ONECUT3: variants seen among roughly 807,000 people sequenced by gnomAD.
ONECUT3 encodes the protein one cut domain family member 3.
In ONECUT3, 11 loss-of-function variants were observed where a neutral mutation model predicts 16.8. The observed-to-expected ratio is 0.66, with a 90% CI of 0.41 to 1.09. The LOEUF (loss-of-function observed/expected upper bound fraction) is 1.09, where lower values mean the gene tolerates loss of function less well. Among genes scored for constraint, ONECUT3 ranks in the 50% least tolerant of loss-of-function variants. The probability of loss-of-function intolerance (pLI) is 0.00; values close to 1 mark genes in which losing one functional copy is unlikely to be tolerated. For missense variants in ONECUT3, 637 were observed against 629.9 expected, an observed-to-expected ratio of 1.01 and a Z score of -0.12; for synonymous variants, 344 against 310.7, an observed-to-expected ratio of 1.11 and a Z score of -1.13.
chr19:1,760,128 G>T (rs371112818), intron 1 of ONECUT3, among the ~76,000 whole-genome samples: 1 of 152,206 alleles, frequency 6.6e-6, no homozygotes, highest in African/African-American at 2.4e-5. Flanking sequence ...AACCCGATGC[G>T]GTTCCCATGC....
chr19:1,762,699 T>C lies in ONECUT3; in HGVS notation c.1192+7845T>C, dbSNP rs75856830. On this transcript the variant is annotated intron_variant, in intron 1 of 1. Transcript: ENST00000382349. The surrounding 1 kb of genome is among the most constrained non-coding windows in gnomAD (Gnocchi z 4.4). ...GAGCCTCAGGGTCACTGGTGCGGGCTCCGCAGGAAAGCGCAGCCCCCAGCA... is the reference window on the plus strand; with the variant it reads ...GAGCCTCAGGGTCACTGGTGCGGGCCCCGCAGGAAAGCGCAGCCCCCAGCA... 0.044 allele frequency among the ~76,000 whole-genome samples: 6,713 copies of C among 152,202 alleles called. 432 individuals carry two copies. Among genetic ancestry groups the C allele is most frequent in the East Asian group, 0.24 (1,232 of 5,138 alleles).
rs925014047 is a variant in ONECUT3, at chr19:1,753,768, C to T, written c.106C>T (p.Arg36Cys). Residue 36 changes from arginine to cysteine, a missense_variant, in exon 1 of 2, where the codon CGC (arginine) becomes TGC (cysteine). By Grantham distance (180) the Arg-to-Cys change is radical. Around this residue, in one of 3 missense-constraint regions of ONECUT3, gnomAD observed 419 missense variants for 377.9 expected, o/e 1.11. Coordinates refer to ENST00000382349, the MANE Select transcript of ONECUT3 (RefSeq NM_001080488.2). Reference protein sequence around the residue: ...GHARSAAAQHRGLVAPGRPGL... With the variant: ...GHARSAAAQHCGLVAPGRPGL... ...CGCGCGCTCGGCGGCGGCGCAGCACCGCGGCCTGGTGGCGCCCGGGCGCCC... is the reference window on the plus strand; with the variant it reads ...CGCGCGCTCGGCGGCGGCGCAGCACTGCGGCCTGGTGGCGCCCGGGCGCCC... 1 of 992,852 alleles carries T rather than the reference C, an allele frequency of 1.0e-6. No individual in the cohort carries two copies. Among genetic ancestry groups the T allele is most frequent in the African/African-American group, 1.8e-5 (1 of 56,158 alleles). The allele number at this position is 992,852 out of a possible 1,614,324, so 61.5% of individuals were successfully genotyped here.
In ONECUT3 at chr19:1,759,292, T is replaced by C. The variant is rs1489819777; in HGVS notation, c.1192+4438T>C. Among the ~76,000 whole-genome samples the C allele has an allele frequency of 6.6e-6, 1 of 151,848 alleles. No homozygotes were observed. Among genetic ancestry groups the C allele is most frequent in the East Asian group, 1.9e-4 (1 of 5,182 alleles). Reference sequence around the variant, plus strand: ...GAAAGGAAAAAGAGGCAGAACCTCTTCCCCACCCAGGCTCATACAGGCCCT... The same window carrying C: ...GAAAGGAAAAAGAGGCAGAACCTCTCCCCCACCCAGGCTCATACAGGCCCT... On this transcript the variant is annotated intron_variant, in intron 1 of 1. Transcript: ENST00000382349. The surrounding 1 kb of genome is among the most constrained non-coding windows in gnomAD (Gnocchi z 4.1).
Position 1,775,690 on chromosome 19 carries a change from CG to C in ONECUT3, c.*247del, listed in dbSNP as rs1192988674. 1.6e-5 allele frequency: 6 copies of C among 374,566 alleles called. No individual in the cohort carries two copies. Among genetic ancestry groups the C allele is most frequent in the Non-Finnish European group, 2.4e-5 (5 of 209,780 alleles). The allele number at this position is 374,566 out of a possible 1,614,324, so 23.2% of individuals were successfully genotyped here. On this transcript the variant is annotated 3_prime_UTR_variant, in exon 2 of 2. Coordinates refer to ENST00000382349, the MANE Select transcript of ONECUT3 (RefSeq NM_001080488.2). ...CCAAAGGAAGCCCTCCACCCCCCCC[CG>C]GAGGGGAGGGAGTGACAGAAAGGGG...
At chr19:1,769,955 G>A (rs539131934) in intron 1 of ONECUT3, among the ~76,000 whole-genome samples, 2 of 152,114 alleles carry the variant, frequency 1.3e-5, no homozygotes, top group Non-Finnish European at 2.9e-5. Context: ...GGAAAGGGAC[G>A]ATATGCATCC....
Position 1,754,334 on chromosome 19 carries a change from G to A in ONECUT3, c.672G>A (p.Pro224=). ...PQPPPPPPPP[P]LAAYGPPGHL... ...CCCCGCCGCCGCCACCACCCCCGCC[G>A]CTGGCCGCCTACGGCCCGCCAGGCC... Residue 224 remains proline, a synonymous_variant, in exon 1 of 2, where the codon CCG becomes CCA. Coordinates refer to ENST00000382349, the MANE Select transcript of ONECUT3 (RefSeq NM_001080488.2). This position sits in a 1 kb window ranked among gnomAD's most constrained non-coding sequence, Gnocchi z 7.4. The A allele has an allele frequency of 1.9e-6, 2 of 1,065,076 alleles. No individual in the cohort carries two copies. The highest frequency in any genetic ancestry group is 5.2e-5 in the Admixed American group (1 of 19,090). The allele number at this position is 1,065,076 out of a possible 1,614,324, so 66.0% of individuals were successfully genotyped here. A position where few individuals can be genotyped will look rare whatever the true frequency, so the allele number is the denominator to read the frequency against.
At chr19:1,774,196 G>A (rs1466552944) in intron 1 of ONECUT3, among the ~76,000 whole-genome samples, 2 of 152,178 alleles carry the variant, frequency 1.3e-5, no homozygotes, top group Non-Finnish European at 2.9e-5. Flanking sequence ...GCAGGAGGCA[G>A]GGATTCAGAT....
rs1238460620 is a variant in ONECUT3 at position 1,766,501 on chromosome 19, GA to G, written c.1193-8651del. Among the ~76,000 whole-genome samples the G allele has an allele frequency of 1.3e-5, 2 of 151,408 alleles. No individual in the cohort carries two copies. The highest frequency in any genetic ancestry group is 3.0e-5 in the Non-Finnish European group (2 of 67,792). On this transcript the variant is annotated intron_variant, in intron 1 of 1. Coordinates refer to ENST00000382349, the MANE Select transcript of ONECUT3 (RefSeq NM_001080488.2). The surrounding 1 kb of genome is among the most constrained non-coding windows in gnomAD (Gnocchi z 4.0). Reference sequence around the variant, plus strand: ...AGGGAAGTGAGGGAAGGAAGGGGAAGAGGGGAGGGAGGTAAAGAGAGGGAGG... The same window carrying G: ...AGGGAAGTGAGGGAAGGAAGGGGAAGGGGGAGGGAGGTAAAGAGAGGGAGG...
chr19:1,770,895 T>C (rs1250638251), intron 1 of ONECUT3, among the ~76,000 whole-genome samples: 1 of 152,254 alleles, frequency 6.6e-6, no homozygotes, highest in Non-Finnish European at 1.5e-5. Flanking sequence ...CTTTGCCATC[T>C]TTCCAGATTC....
intron 1 of ONECUT3, among the ~76,000 whole-genome samples, chr19:1,757,379 TC>T (rs2067922026): frequency 6.6e-6 from 1 of 152,122 alleles, no homozygotes. Context: ...GCTCTGGGAG[TC>T]TGGGTTTCCT....
intron 1 of ONECUT3, among the ~76,000 whole-genome samples, chr19:1,768,897 TGGA>T (rs2068020572): frequency 7.8e-6 from 1 of 128,762 alleles, no homozygotes; most frequent in African/African-American, 2.9e-5. Context: ...GTGGTGGAGG[TGGA>T]GGTGGTGGAG....
chr19:1,770,777 G>A (rs1173168075), intron 1 of ONECUT3, among the ~76,000 whole-genome samples: 2 of 152,082 alleles, frequency 1.3e-5, no homozygotes, highest in African/African-American at 2.4e-5. Flanking sequence ...TCAGTTTTTT[G>A]CATTTCCTTC....
chr19:1,774,409 C>G (rs1226370291), intron 1 of ONECUT3, among the ~76,000 whole-genome samples: 1 of 97,002 alleles, frequency 1.0e-5, no homozygotes, highest in East Asian at 3.5e-4. Context: ...AGCAAGACTT[C>G]CCCTCCGCAA....
In ONECUT3 at chr19:1,757,574, C is replaced by A. The variant is rs550416325; in HGVS notation, c.1192+2720C>A. ...CGCTGCCCACGCCGTGGCCCCGCCG[C>A]GCGGCCCCGCGGCCGCGGGGTTCAC... is the stretch of plus-strand genomic sequence containing the variant. On this transcript the variant is annotated intron_variant, in intron 1 of 1. Coordinates refer to ENST00000382349, the MANE Select transcript of ONECUT3 (RefSeq NM_001080488.2). 5.9e-5 allele frequency among the ~76,000 whole-genome samples: 9 copies of A among 152,264 alleles called. No individual in the cohort carries two copies. In the South Asian group the frequency reaches 1.9e-3, roughly 32 times the overall value.
In ONECUT3 at chr19:1,758,283, AAG is replaced by A. The variant is rs1168810790; in HGVS notation, c.1192+3434_1192+3435del. ...GGAACAGAGGTGAAGGAGAGACGAAAAGAGAGGCAGAGAGACCAAAAAAAAAA... is the reference window on the plus strand; with the variant it reads ...GGAACAGAGGTGAAGGAGAGACGAAAAGAGGCAGAGAGACCAAAAAAAAAA... On this transcript the variant is annotated intron_variant, in intron 1 of 1. Coordinates refer to ENST00000382349, the MANE Select transcript of ONECUT3 (RefSeq NM_001080488.2). The surrounding 1 kb of genome is among the most constrained non-coding windows in gnomAD (Gnocchi z 5.9). 7.0e-6 allele frequency among the ~76,000 whole-genome samples: 1 copy of A among 142,970 alleles called. No homozygotes were observed. The highest frequency in any genetic ancestry group is 2.1e-4 in the East Asian group (1 of 4,736). 93.8% of individuals were successfully genotyped at this position (142,970 alleles called of 152,430 possible).
Position 1,762,939 on chromosome 19 carries a change from G to A in ONECUT3, c.1192+8085G>A, listed in dbSNP as rs1210381239. Among the ~76,000 whole-genome samples the A allele has an allele frequency of 2.0e-5, 3 of 152,184 alleles. No individual in the cohort carries two copies. The highest frequency in any genetic ancestry group is 4.4e-5 in the Non-Finnish European group (3 of 68,026). On this transcript the variant is annotated intron_variant, in intron 1 of 1. Transcript: ENST00000382349. The surrounding 1 kb of genome is among the most constrained non-coding windows in gnomAD (Gnocchi z 4.4). ...CCCTAAAATATTCTACATTCTTTTGGCCCGGCGGGGAGGCTCAAACCTGTA... is the reference window on the plus strand; with the variant it reads ...CCCTAAAATATTCTACATTCTTTTGACCCGGCGGGGAGGCTCAAACCTGTA...
At chr19:1,757,562 G>A (rs115928275) in intron 1 of ONECUT3, among the ~76,000 whole-genome samples, 60 of 152,232 alleles carry the variant, frequency 3.9e-4, no homozygotes, top group African/African-American at 1.4e-3. Flanking sequence ...TGCCCACGCC[G>A]TGGCCCCGCC....
chr19:1,764,844 G>A lies in ONECUT3; in HGVS notation c.1192+9990G>A, dbSNP rs1290402098. Among the ~76,000 whole-genome samples the A allele has an allele frequency of 6.6e-6, 1 of 151,214 alleles. No homozygotes were observed. Reference sequence around the variant, plus strand: ...GGACAAGACACCAGCATGGGGGTGGGGGGCATCAGTACAACCCACATCTGG... The same window carrying A: ...GGACAAGACACCAGCATGGGGGTGGAGGGCATCAGTACAACCCACATCTGG... On this transcript the variant is annotated intron_variant, in intron 1 of 1. Transcript: ENST00000382349. This position sits in a 1 kb window ranked among gnomAD's most constrained non-coding sequence, Gnocchi z 5.0.
At chr19:1,765,936 C>A (rs563450377) in intron 1 of ONECUT3, among the ~76,000 whole-genome samples, 40 of 152,364 alleles carry the variant, frequency 2.6e-4, no homozygotes, top group African/African-American at 9.4e-4. Context: ...AGACCCTGCA[C>A]ACCCTACAGC....
Sources: allele counts gnomAD v4.1 joint callset (sites outside exome capture counted in the v4.1 genomes callset), GRCh38; gene constraint gnomAD v4.1.1; regional missense constraint gnomAD v4.1.1; non-coding constraint Gnocchi (gnomAD v3.1); transcripts MANE v1.5; gene names NCBI Gene and HGNC (gene_info 2026-07-23, HGNC 2026-07-21).